EYS: variants seen among roughly 807,000 people sequenced by gnomAD.
EYS encodes the protein protein eyes shut homolog.
Under a neutral mutation model 282.1 loss-of-function variants are expected in EYS, and 250 were observed. The observed-to-expected ratio is 0.89, with a 90% CI of 0.80 to 0.98. EYS has a LOEUF of 0.98. Ranked by LOEUF, EYS falls within the 50% of genes least tolerant of loss-of-function variation. EYS has a pLI of 0.00. For synonymous variants in EYS, 1,355 were observed against 1,282.9 expected (o/e 1.06, Z -1.20); for missense variants, 4,016 against 3,709.0 (o/e 1.08, Z -2.15).
intron 41 of EYS, among the ~76,000 whole-genome samples, chr6:63,760,644 ATGTATATC>A (rs1562013333): frequency 5.2e-5 from 7 of 133,472 alleles, no homozygotes; most frequent in South Asian, 2.5e-4. Flanking sequence ...GTATGTATGT[ATGTATATC>A]TATCTATCTA....
intron 8 of EYS, among the ~76,000 whole-genome samples, chr6:65,363,683 A>C (rs575700992): frequency 3.3e-5 from 5 of 152,034 alleles, no homozygotes; most frequent in African/African-American, 9.6e-5. Context: ...AATACAAGTC[A>C]AGTTTATTTA....
chr6:64,391,469 T>C (rs1482242321), intron 28 of EYS, among the ~76,000 whole-genome samples: 2 of 151,652 alleles, frequency 1.3e-5, no homozygotes, highest in African/African-American at 4.8e-5. Context: ...GGGGCCAATA[T>C]TCAACATTCT....
intron 41 of EYS, among the ~76,000 whole-genome samples, chr6:63,740,788 A>G (rs956174715): frequency 6.6e-6 from 1 of 152,318 alleles, no homozygotes; most frequent in East Asian, 1.9e-4. Context: ...TTGGGTGTGA[A>G]TGGGTCTGCC....
At chr6:65,487,839 C>A (rs894764440) in intron 5 of EYS, among the ~76,000 whole-genome samples, 3 of 151,988 alleles carry the variant, frequency 2.0e-5, no homozygotes, top group Non-Finnish European at 4.4e-5. Context: ...TTAATTATTG[C>A]CTCAATTTCA....
intron 26 of EYS, among the ~76,000 whole-genome samples, chr6:64,532,497 C>A (rs567122741): frequency 1.8e-4 from 28 of 152,192 alleles, no homozygotes; most frequent in African/African-American, 6.7e-4. Flanking sequence ...ATCACGAGGT[C>A]AGGAGATCGA....
intron 26 of EYS, among the ~76,000 whole-genome samples, chr6:64,478,625 T>A (rs1409955664): frequency 1.3e-5 from 2 of 151,042 alleles, no homozygotes; most frequent in Admixed American, 1.3e-4. Context: ...TAGTCTACAC[T>A]GTGTCAGATA....
intron 32 of EYS, among the ~76,000 whole-genome samples, chr6:64,077,046 T>A (rs1191852523): frequency 6.6e-6 from 1 of 151,912 alleles, no homozygotes; most frequent in East Asian, 1.9e-4. Context: ...TTTGCTGTCA[T>A]AAAAAAGATG....
chr6:64,855,117 A>G (rs986848792), intron 19 of EYS, among the ~76,000 whole-genome samples: 2 of 151,684 alleles, frequency 1.3e-5, no homozygotes, highest in Non-Finnish European at 2.9e-5. Context: ...CAGTTTTACT[A>G]TTTTTATTTA....
intron 12 of EYS, among the ~76,000 whole-genome samples, chr6:65,237,902 GC>G (rs967264351): frequency 2.4e-4 from 37 of 152,076 alleles, no homozygotes; most frequent in African/African-American, 7.5e-4. Context: ...GTGAATCATG[GC>G]CCATTTTGGC....
At chr6:64,833,035 A>G (rs191813467) in intron 19 of EYS, among the ~76,000 whole-genome samples, 2 of 152,096 alleles carry the variant, frequency 1.3e-5, no homozygotes, top group Admixed American at 1.3e-4. Context: ...CCAACTCATA[A>G]GAATGAGAAT....
At chr6:64,475,166 C>T (rs1400628026) in intron 26 of EYS, among the ~76,000 whole-genome samples, 1 of 152,170 alleles carries the variant, frequency 6.6e-6, no homozygotes, top group Non-Finnish European at 1.5e-5. Context: ...CTTAATTTGA[C>T]AAGTTTTCTC....
intron 12 of EYS, among the ~76,000 whole-genome samples, chr6:65,089,980 A>AAC: frequency 2.0e-5 from 1 of 48,860 alleles, no homozygotes; most frequent in East Asian, 4.1e-4. Flanking sequence ...TATATAAATA[A>AAC]ATACACACAC....
intron 31 of EYS, among the ~76,000 whole-genome samples, chr6:64,197,935 T>C (rs555698955): frequency 5.9e-4 from 89 of 151,818 alleles, no homozygotes; most frequent in African/African-American, 2.1e-3. Flanking sequence ...ATTTTACTTA[T>C]TCAATTATCC....
At chr6:64,152,583 T>G (rs1774780353) in intron 31 of EYS, among the ~76,000 whole-genome samples, 1 of 152,160 alleles carries the variant, frequency 6.6e-6, no homozygotes, top group Non-Finnish European at 1.5e-5. Context: ...GCTTTTAACC[T>G]AGCTTTTAGA....
At chr6:63,813,711 C>G (rs1488159234) in intron 36 of EYS, among the ~76,000 whole-genome samples, 1 of 152,094 alleles carries the variant, frequency 6.6e-6, no homozygotes, top group Non-Finnish European at 1.5e-5. Flanking sequence ...ATAACCTCAG[C>G]AGAGTGGACA....
intron 22 of EYS, among the ~76,000 whole-genome samples, chr6:64,734,482 A>C (rs1200842391): frequency 1.3e-5 from 2 of 152,254 alleles, no homozygotes; most frequent in Non-Finnish European, 2.9e-5. Context: ...ATATTGCTAT[A>C]AGAGCATAGA....
rs188898263 is a variant in EYS at position 65,294,611 on chromosome 6, A to G, written c.2023+1252T>C. Among the ~76,000 whole-genome samples the G allele has an allele frequency of 2.4e-4, 37 of 152,020 alleles. No homozygotes were observed. In the East Asian group the frequency reaches 6.8e-3, roughly 28 times the overall value. Reference sequence around the variant, plus strand: ...TTGATATAAAAATAATAGATGATTCATTGATCATGTTTGCAAATACACATA... The same window carrying G: ...TTGATATAAAAATAATAGATGATTCGTTGATCATGTTTGCAAATACACATA... On this transcript the variant is annotated intron_variant, in intron 12 of 42. Coordinates refer to ENST00000503581, the MANE Select transcript of EYS (RefSeq NM_001142800.2).
chr6:63,768,134 C>T (rs935999360), intron 40 of EYS, among the ~76,000 whole-genome samples: 3 of 151,832 alleles, frequency 2.0e-5, no homozygotes, highest in Non-Finnish European at 4.4e-5. Context: ...AGAAGAAAAC[C>T]TAGGAAATAC....
chr6:63,743,537 C>T (rs1769135890), intron 41 of EYS, among the ~76,000 whole-genome samples: 1 of 152,134 alleles, frequency 6.6e-6, no homozygotes, highest in Admixed American at 6.5e-5. Context: ...AATAGTTTTG[C>T]AGACAGGTTT....
Sources: allele counts gnomAD v4.1 joint callset (sites outside exome capture counted in the v4.1 genomes callset), GRCh38; gene constraint gnomAD v4.1.1; transcripts MANE v1.5; gene names NCBI Gene and HGNC (gene_info 2026-07-23, HGNC 2026-07-21).